The following RPE65 variants were observed in gnomAD, a reference collection of about 807,000 sequenced individuals.
RPE65 encodes the protein retinoid isomerohydrolase RPE65, also known as retinoid isomerohydrolase.
In RPE65, 58 loss-of-function variants were observed where a neutral mutation model predicts 68.5. The ratio of observed to expected loss-of-function variants is 0.85; its 90% CI spans 0.69 to 1.05. The LOEUF is 1.05. RPE65 is among the 50% of genes least tolerant of loss of function. The probability of loss-of-function intolerance (pLI) is 0.00; values close to 1 mark genes in which losing one functional copy is unlikely to be tolerated. For missense variants in RPE65, 643 were observed against 629.9 expected (o/e 1.02, Z -0.22); for synonymous variants, 220 against 222.2 (o/e 0.99, Z 0.09).
chr1:68,431,655 T>A, intron 10 of RPE65, 70 bp from the exon 11 acceptor site: 1 of 1,335,508 alleles, frequency 7.5e-7, no homozygotes, highest in Non-Finnish European at 1.1e-6. Context: ...GCAGAGTTCT[T>A]AAGTCTTGGC....
At chr1:68,434,719 C>CTGTTTGTT (rs56001963) in intron 10 of RPE65, among the ~76,000 whole-genome samples, 1 of 151,420 alleles carries the variant, frequency 6.6e-6, no homozygotes, top group Admixed American at 6.6e-5. Flanking sequence ...ATTAGATTTC[C>CTGTTTGTT]TGTTTGTTTG....
intron 1 of RPE65, 129 bp downstream of exon 1, chr1:68,449,766 C>G (rs1288708108): frequency 9.0e-7 from 1 of 1,107,836 alleles, no homozygotes; most frequent in Non-Finnish European, 1.3e-6. Flanking sequence ...AAAAAATTTC[C>G]CCACCAAAAT....
In RPE65 at chr1:68,448,575, A is replaced by T. The variant is rs750044532; in HGVS notation, c.94+49T>A. ...GACGCCAAGGAATAGGAAGCCAGAG[A>T]AGAGAGACTGACATAAAAGAGGATG... On this transcript the variant is annotated intron_variant, in intron 2 of 13. Coordinates refer to ENST00000262340, the MANE Select transcript of RPE65 (RefSeq NM_000329.3). 1.9e-6 allele frequency: 3 copies of T among 1,545,910 alleles called. No individual in the cohort carries two copies. In the South Asian group the frequency reaches 3.4e-5, roughly 17 times the overall value.
rs775867619 is a variant in RPE65 at position 68,444,810 on chromosome 1, C to T, written c.319G>A (p.Ala107Thr). 2.5e-6 allele frequency: 4 copies of T among 1,614,130 alleles called. No individual in the cohort carries two copies. Among genetic ancestry groups the T allele is most frequent in the South Asian group, 2.2e-5 (2 of 91,086 alleles). ...RIVITEFGTC[A>T]FPDPCKNIFS... ...ATATTCTTGCAGGGATCTGGGAAAG[C>T]ACAGGTGCCAAATTCTGTTATGACG... The change falls in exon 4 of 14, where the codon GCT (alanine) becomes ACT (threonine). Residue 107 changes from alanine (A) to threonine (T), a missense_variant. Coordinates refer to ENST00000262340, the MANE Select transcript of RPE65 (RefSeq NM_000329.3).
intron 10 of RPE65, among the ~76,000 whole-genome samples, chr1:68,436,028 T>C (rs1645860487): frequency 6.6e-6 from 1 of 152,378 alleles, no homozygotes; most frequent in Middle Eastern, 3.4e-3. Context: ...CCCTATTCTA[T>C]AATTGGGTAA....
At position 68,446,916 on chromosome 1, in the gene RPE65, G is replaced by A. The variant is rs1377837084; in HGVS notation, c.95-56C>T. On this transcript the variant is annotated intron_variant, in intron 2 of 13. Coordinates refer to ENST00000262340, the MANE Select transcript of RPE65 (RefSeq NM_000329.3). ...CTTATCCCTGCCTTGGGCTAGGCTTGTCCTTGGTAAGGCAGAGTATATCAG... is the reference window on the plus strand; with the variant it reads ...CTTATCCCTGCCTTGGGCTAGGCTTATCCTTGGTAAGGCAGAGTATATCAG... 1.9e-6 allele frequency: 3 copies of A among 1,610,854 alleles called. No homozygotes were observed. The African/African-American group carries it at 4.0e-5, about 22-fold the overall frequency.
At chr1:68,439,866 A>G (rs567652536) in intron 6 of RPE65, among the ~76,000 whole-genome samples, 38 of 152,268 alleles carry the variant, frequency 2.5e-4, no homozygotes, top group Non-Finnish European at 4.6e-4. Context: ...GTGCACTCAA[A>G]TAGGGTTGTG....
chr1:68,446,497 A>G (rs549747830), intron 3 of RPE65, among the ~76,000 whole-genome samples: 24 of 152,206 alleles, frequency 1.6e-4, no homozygotes, highest in Admixed American at 3.3e-4. Context: ...AAAGCCACTC[A>G]TGTTGGACCC....
chr1:68,431,649 A>G, intron 10 of RPE65, 64 bp from the exon 11 acceptor site: 1 of 1,381,362 alleles, frequency 7.2e-7, no homozygotes, highest in Non-Finnish European at 1.0e-6. Context: ...AGAAATGCAG[A>G]GTTCTTAAGT....
At chr1:68,437,947 T>A (rs925364676) in intron 10 of RPE65, among the ~76,000 whole-genome samples, 1 of 152,182 alleles carries the variant, frequency 6.6e-6, no homozygotes, top group Non-Finnish European at 1.5e-5. Flanking sequence ...AACGGCAGAT[T>A]TAGAATTTAA....
chr1:68,431,501 G>T lies in RPE65; in HGVS notation c.1213C>A (p.Pro405Thr). ...CGAGGCCCTGAAAAGAGAACTTCAGGCTCCAGCCAGATAGTCTCGTCACTG... is the reference window on the plus strand; with the variant it reads ...CGAGGCCCTGAAAAGAGAACTTCAGTCTCCAGCCAGATAGTCTCGTCACTG... Reference protein sequence around the residue: ...LCSDETIWLEPEVLFSGPRQA... With the variant: ...LCSDETIWLETEVLFSGPRQA... The change falls in exon 11 of 14, where the codon CCT becomes ACT. Residue 405 changes from proline (P) to threonine (T), a missense_variant. Pro to Thr is a conservative substitution (Grantham distance 38). Coordinates refer to ENST00000262340, the MANE Select transcript of RPE65 (RefSeq NM_000329.3). 1 of 1,613,896 alleles carries T rather than the reference G, an allele frequency of 6.2e-7. No individual in the cohort carries two copies. The highest frequency in any genetic ancestry group is 8.5e-7 in the Non-Finnish European group (1 of 1,179,900).
At chr1:68,447,149 A>T (rs1435055680) in intron 2 of RPE65, among the ~76,000 whole-genome samples, 1 of 152,190 alleles carries the variant, frequency 6.6e-6, no homozygotes, top group Non-Finnish European at 1.5e-5. Flanking sequence ...GGGACTCTCC[A>T]CCTAATAGAT....
chr1:68,437,017 A>G (rs1645867402), intron 10 of RPE65, among the ~76,000 whole-genome samples: 1 of 152,138 alleles, frequency 6.6e-6, no homozygotes, highest in African/African-American at 2.4e-5. Context: ...TAATCCTGTA[A>G]TAGGGCTTCT....
rs1645931073 is a variant in RPE65, at chr1:68,444,872, G to T, written c.257C>A (p.Thr86Asn). 1.9e-6 allele frequency: 3 copies of T among 1,614,074 alleles called. No homozygotes were observed. Among genetic ancestry groups the T allele is most frequent in the Non-Finnish European group, 2.5e-6 (3 of 1,180,000 alleles). ...AGTCATTGCCCGTACGTAAGCATCAGTGCGGATGAACCTGAAGGACATTGA... is the reference window on the plus strand; with the variant it reads ...AGTCATTGCCCGTACGTAAGCATCATTGCGGATGAACCTGAAGGACATTGA... ...HVTYHRRFIR[T>N]DAYVRAMTEK... The change falls in exon 4 of 14, where the codon ACT becomes AAT. Residue 86 changes from threonine (T) to asparagine (N), a missense_variant. Coordinates refer to ENST00000262340, the MANE Select transcript of RPE65 (RefSeq NM_000329.3).
At chr1:68,446,014 G>T (rs1396102691) in intron 3 of RPE65, among the ~76,000 whole-genome samples, 1 of 151,814 alleles carries the variant, frequency 6.6e-6, no homozygotes, top group Non-Finnish European at 1.5e-5. Flanking sequence ...GAAATCTGTG[G>T]TGATCAACAA....
At chr1:68,432,509 G>A (rs77569826) in intron 10 of RPE65, among the ~76,000 whole-genome samples, 3,540 of 152,070 alleles carry the variant, frequency 0.023, 121 homozygotes, top group African/African-American at 0.082. Flanking sequence ...GAGTGTTCAC[G>A]CTAAGAGAAC....
chr1:68,430,029 T>G, intron 13 of RPE65, 102 bp from the exon 14 acceptor site: 1 of 1,441,196 alleles, frequency 6.9e-7, no homozygotes, highest in Non-Finnish European at 9.5e-7. Flanking sequence ...TTGACAAATA[T>G]AGAAAACCAT....
At chr1:68,440,331 A>G (rs1486365849) in intron 6 of RPE65, among the ~76,000 whole-genome samples, 1 of 152,220 alleles carries the variant, frequency 6.6e-6, no homozygotes. Flanking sequence ...TGAACCTGGC[A>G]ATAAATGAAG....
At chr1:68,442,983 G>A (rs942433012) in intron 5 of RPE65, among the ~76,000 whole-genome samples, 1 of 151,990 alleles carries the variant, frequency 6.6e-6, no homozygotes, top group Non-Finnish European at 1.5e-5. Flanking sequence ...TTGTGGTTCT[G>A]GCTTTTAGTT....
Sources: allele counts gnomAD v4.1 joint callset (sites outside exome capture counted in the v4.1 genomes callset), GRCh38; gene constraint gnomAD v4.1.1; transcripts MANE v1.5; gene names NCBI Gene and HGNC (gene_info 2026-07-23, HGNC 2026-07-21).